The following RPS6KA5 variants were observed in gnomAD, a reference collection of about 807,000 sequenced individuals.
RPS6KA5 encodes ribosomal protein S6 kinase A5, also known as ribosomal protein S6 kinase alpha-5.
A neutral mutation model predicts 85.5 loss-of-function variants in RPS6KA5; 27 were observed. The ratio of observed to expected loss-of-function variants is 0.32; its 90% CI spans 0.23 to 0.44. The LOEUF (loss-of-function observed/expected upper bound fraction) is 0.44, where lower values mean the gene tolerates loss of function less well. RPS6KA5 is among the 20% of genes least tolerant of loss of function. RPS6KA5 has a pLI of 1.00. For synonymous variants in RPS6KA5, 334 were observed against 348.2 expected (o/e 0.96, Z 0.46); for missense variants, 811 against 980.9 (o/e 0.83, Z 2.31).
At chr14:90,986,876 C>T (rs1421108869) in intron 2 of RPS6KA5, among the ~76,000 whole-genome samples, 1 of 152,222 alleles carries the variant, frequency 6.6e-6, no homozygotes, top group Non-Finnish European at 1.5e-5. Context: ...CCTGTTTAGG[C>T]TAGTCTCCTG....
chr14:91,059,342 A>G (rs77875712), intron 1 of RPS6KA5, among the ~76,000 whole-genome samples: 2 of 148,190 alleles, frequency 1.3e-5, no homozygotes, highest in East Asian at 3.9e-4. Context: ...CTCTGTCTGA[A>G]AAAAAAAAAA....
intron 1 of RPS6KA5, among the ~76,000 whole-genome samples, chr14:91,014,241 G>A (rs10131795): frequency 0.013 from 2,004 of 152,106 alleles, 58 homozygotes; most frequent in African/African-American, 0.046. Flanking sequence ...GGTGGCTCAC[G>A]CCTGTAATCA....
At chr14:90,991,422 C>T (rs2040300356) in intron 2 of RPS6KA5, among the ~76,000 whole-genome samples, 1 of 152,010 alleles carries the variant, frequency 6.6e-6, no homozygotes, top group Non-Finnish European at 1.5e-5. Context: ...AGAGGCTGGG[C>T]TGGGCGCAGC....
At chr14:90,896,806 C>T (rs564494866) in intron 12 of RPS6KA5, among the ~76,000 whole-genome samples, 6 of 152,140 alleles carry the variant, frequency 3.9e-5, no homozygotes, top group South Asian at 2.1e-4. Context: ...CTGCAACCTC[C>T]GCCTCCCAAG....
chr14:91,008,961 G>C (rs761072043), intron 1 of RPS6KA5, among the ~76,000 whole-genome samples: 1 of 152,220 alleles, frequency 6.6e-6, no homozygotes, highest in East Asian at 1.9e-4. Context: ...AGAGGAAAGA[G>C]TGAACCCAAG....
At chr14:90,875,615 C>T (rs1265209757) in intron 14 of RPS6KA5, among the ~76,000 whole-genome samples, 2 of 151,740 alleles carry the variant, frequency 1.3e-5, no homozygotes, top group Non-Finnish European at 2.9e-5. Context: ...ATGTTTATTG[C>T]GGCACTATTC....
At chr14:91,040,559 G>A (rs991798485) in intron 1 of RPS6KA5, among the ~76,000 whole-genome samples, 1 of 152,134 alleles carries the variant, frequency 6.6e-6, no homozygotes, top group Admixed American at 6.6e-5. Context: ...ACTCAAGAAA[G>A]GGTCTTGAAA....
intron 3 of RPS6KA5, among the ~76,000 whole-genome samples, chr14:90,966,235 G>A (rs1314753416): frequency 2.0e-5 from 3 of 152,174 alleles, no homozygotes; most frequent in African/African-American, 7.2e-5. Context: ...AGACTCTGTT[G>A]AGAAATGATT....
Position 90,900,486 on chromosome 14 carries a change from G to A in RPS6KA5, c.1245+125C>T, listed in dbSNP as rs188866720. The A allele has an allele frequency of 7.6e-6, 7 of 923,360 alleles. No homozygotes were observed. In the Admixed American group the frequency reaches 1.9e-4, roughly 25 times the overall value. The allele number at this position is 923,360 out of a possible 1,614,324, so 57.2% of individuals were successfully genotyped here. A position where few individuals can be genotyped will look rare whatever the true frequency, so the allele number is the denominator to read the frequency against. The stretch of plus-strand genomic sequence containing the variant: ...ACGTTAATTCTCTAGGGAAAATATT[G>A]CTATATCCCACTTTTAAAATTGCAC... On this transcript the variant is annotated intron_variant, in intron 10 of 16. Transcript: ENST00000614987.
rs192950208 is a variant in RPS6KA5, at chr14:91,024,780, T to C, written c.104-23621A>G. Among the ~76,000 whole-genome samples, 41 of 152,294 alleles carry C rather than the reference T, an allele frequency of 2.7e-4. No individual in the cohort carries two copies. The East Asian group carries it at 6.6e-3, about 24-fold the overall frequency. On this transcript the variant is annotated intron_variant, in intron 1 of 16. Transcript: ENST00000614987. The stretch of plus-strand genomic sequence containing the variant: ...CAAGTCCCAGACCAGGGTTCTGTAT[T>C]TTGGCACATATTGCTGACATTTTCT...
intron 3 of RPS6KA5, among the ~76,000 whole-genome samples, chr14:90,959,450 G>A (rs2038687994): frequency 6.6e-6 from 1 of 152,224 alleles, no homozygotes; most frequent in Non-Finnish European, 1.5e-5. Context: ...AATAATGCAA[G>A]AGATGACTGG....
At position 90,852,157 on chromosome 14, in the gene RPS6KA5, C is replaced by G. The variant is rs60860310; in HGVS notation, c.*19917G>C. The G allele has an allele frequency of 2.3e-5, 3 of 129,394 alleles. No individual in the cohort carries two copies. Among genetic ancestry groups the G allele is most frequent in the African/African-American group, 8.3e-5 (3 of 35,952 alleles). The allele number at this position is 129,394 out of a possible 1,614,324, so 8.0% of individuals were successfully genotyped here. A position where few individuals can be genotyped will look rare whatever the true frequency, so the allele number is the denominator to read the frequency against. On this transcript the variant is annotated 3_prime_UTR_variant, in exon 17 of 17. Transcript: ENST00000614987. Reference sequence around the variant, plus strand: ...CAGGCTGGAGTGCAGTGGTGTGGTGCGATCTTGGCTCACTGCAAGTTCTGC... The same window carrying G: ...CAGGCTGGAGTGCAGTGGTGTGGTGGGATCTTGGCTCACTGCAAGTTCTGC...
chr14:90,920,293 C>T lies in RPS6KA5; in HGVS notation c.719G>A (p.Ser240Asn). ...TAATTCATACATTAGAACACCCAAACTCCACCAGTCAACTGCCTATAAAAC... is the reference window on the plus strand; with the variant it reads ...TAATTCATACATTAGAACACCCAAATTCCACCAGTCAACTGCCTATAAAAC... ...SGHDKAVDWW[S>N]LGVLMYELLT... Residue 240 changes from serine (S) to asparagine (N), a missense_variant, in exon 7 of 17, where the codon AGT (serine) becomes AAT (asparagine). Coordinates refer to ENST00000614987, the MANE Select transcript of RPS6KA5 (RefSeq NM_004755.4). 1 of 1,606,780 alleles carries T rather than the reference C, an allele frequency of 6.2e-7. No individual in the cohort carries two copies. Among genetic ancestry groups the T allele is most frequent in the Non-Finnish European group, 8.5e-7 (1 of 1,174,026 alleles).
chr14:91,010,537 C>T (rs542248341), intron 1 of RPS6KA5, among the ~76,000 whole-genome samples: 22 of 152,284 alleles, frequency 1.4e-4, no homozygotes, highest in East Asian at 1.3e-3. Flanking sequence ...TCAAAATGGG[C>T]ATCTAACAGC....
intron 1 of RPS6KA5, among the ~76,000 whole-genome samples, chr14:91,004,440 T>C (rs2040920859): frequency 6.6e-6 from 1 of 152,194 alleles, no homozygotes; most frequent in African/African-American, 2.4e-5. Context: ...TCTTAATCCT[T>C]ACAATAGTCC....
chr14:90,970,286 C>T (rs921149996), intron 3 of RPS6KA5, among the ~76,000 whole-genome samples: 2 of 152,264 alleles, frequency 1.3e-5, no homozygotes, highest in South Asian at 2.1e-4. Flanking sequence ...CTGTCTGTTT[C>T]GTCATACTAG....
intron 1 of RPS6KA5, among the ~76,000 whole-genome samples, chr14:91,044,181 C>T (rs1381944583): frequency 6.0e-5 from 9 of 149,946 alleles, no homozygotes; most frequent in Middle Eastern, 3.2e-3. Flanking sequence ...GAGTCGAGAT[C>T]GCGCCATTGC....
chr14:90,925,622 A>C (rs180685660), intron 5 of RPS6KA5, among the ~76,000 whole-genome samples: 1 of 152,304 alleles, frequency 6.6e-6, no homozygotes, highest in Admixed American at 6.5e-5. Context: ...ATATTACTAA[A>C]TAAGTGAACT....
rs149616968 is a variant in RPS6KA5, at chr14:90,906,233, C to T, written c.873G>A (p.Gln291=). The T allele has an allele frequency of 4.3e-6, 7 of 1,612,326 alleles. No individual in the cohort carries two copies. The highest frequency in any genetic ancestry group is 4.0e-5 in the African/African-American group (3 of 74,782). The change falls in exon 8 of 17, where the codon CAG becomes CAA. Residue 291 remains glutamine (Q), a synonymous_variant. Transcript: ENST00000614987. ...EMSALAKDLI[Q]RLLMKDPKKR... is the part of the protein sequence containing the mutation. Reference sequence around the variant, plus strand: ...TCTTGGGATCTTTCATCAAAAGACGCTGAATTAGGTCTTTCGCTAAAGCAC... The same window carrying T: ...TCTTGGGATCTTTCATCAAAAGACGTTGAATTAGGTCTTTCGCTAAAGCAC...
Sources: gnomAD v4.1 joint callset for allele counts (sites outside exome capture counted in the v4.1 genomes callset) on GRCh38, gnomAD v4.1.1 for gene constraint, MANE v1.5 for transcripts, NCBI Gene and HGNC (gene_info 2026-07-23, HGNC 2026-07-21) for gene names.